Variants in SLC12A7 observed in about 807,000 individuals in gnomAD.
SLC12A7 encodes solute carrier family 12 member 7.
In SLC12A7, 100 loss-of-function variants were observed where a neutral mutation model predicts 120.6. The observed-to-expected ratio is 0.83, with a 90% CI of 0.71 to 0.98. SLC12A7 has a LOEUF of 0.98. SLC12A7 is among the 50% of genes least tolerant of loss of function. The probability of loss-of-function intolerance (pLI) is 0.00; values close to 1 mark genes in which losing one functional copy is unlikely to be tolerated. For synonymous variants in SLC12A7, 760 were observed against 678.0 expected, an observed-to-expected ratio of 1.12 and a Z score of -1.88; for missense variants, 1,373 against 1,548.1, an observed-to-expected ratio of 0.89 and a Z score of 1.90.
chr5:1,116,137 G>A (rs920358357), upstream of SLC12A7, among the ~76,000 whole-genome samples: 4 of 152,136 alleles, frequency 2.6e-5, no homozygotes, highest in Non-Finnish European at 5.9e-5. Flanking sequence ...GAAGGGAGCT[G>A]TGGTAGGCAG....
rs536744857 is a variant in SLC12A7, at chr5:1,100,605, G to A, written c.125-6357C>T. ...AACAGAGGAGGAAGACGGCGCCCTC[G>A]GGGAGACCGCGCCAAGTGCTGTTGA... On this transcript the variant is annotated intron_variant, in intron 1 of 23. Transcript: ENST00000264930. Among the ~76,000 whole-genome samples the A allele has an allele frequency of 1.4e-4, 22 of 152,352 alleles. No individual in the cohort carries two copies. In the South Asian group the frequency reaches 1.7e-3, roughly 11 times the overall value.
chr5:1,124,599 G>A, the SLC12A7 span, among the ~76,000 whole-genome samples: 1 of 152,128 alleles, frequency 6.6e-6, no homozygotes, highest in Non-Finnish European at 1.5e-5. Flanking sequence ...GGACTGGCGG[G>A]GCAGGCGGCA....
At chr5:1,093,510 G>A (rs377506326) in intron 3 of SLC12A7, 23 bp downstream of exon 3, 2 of 1,582,944 alleles carry the variant, frequency 1.3e-6, no homozygotes, top group African/African-American at 1.3e-5. Flanking sequence ...GGGACTGGGC[G>A]GGCACGGGCA....
At chr5:1,153,788 C>T in the SLC12A7 span, among the ~76,000 whole-genome samples, 1 of 152,162 alleles carries the variant, frequency 6.6e-6, no homozygotes, top group African/African-American at 2.4e-5. Flanking sequence ...GGAACGTGCA[C>T]CCTGGTGAGC....
upstream of SLC12A7, among the ~76,000 whole-genome samples, chr5:1,115,119 C>T (rs1743262215): frequency 6.6e-6 from 1 of 152,218 alleles, no homozygotes; most frequent in African/African-American, 2.4e-5. Context: ...CAGCTTTGCC[C>T]AGGGGGCCTC....
chr5:1,086,062 C>T (rs1044330565), intron 6 of SLC12A7, among the ~76,000 whole-genome samples: 5 of 152,278 alleles, frequency 3.3e-5, no homozygotes, highest in African/African-American at 1.2e-4. Flanking sequence ...TGGCACCCAC[C>T]CCCACCAAAG....
At chr5:1,069,522 G>C (rs1737418344) in intron 17 of SLC12A7, among the ~76,000 whole-genome samples, 1 of 152,212 alleles carries the variant, frequency 6.6e-6, no homozygotes, top group Non-Finnish European at 1.5e-5. Context: ...GCATGGGAGG[G>C]ACCTCGGACA....
At chr5:1,155,829 C>T in the SLC12A7 span, among the ~76,000 whole-genome samples, 2 of 151,250 alleles carry the variant, frequency 1.3e-5, no homozygotes, top group African/African-American at 4.8e-5. Flanking sequence ...GGGCCCCGCA[C>T]CCCCCGCCGC....
the SLC12A7 span, among the ~76,000 whole-genome samples, chr5:1,119,852 G>A: frequency 6.6e-6 from 1 of 152,240 alleles, no homozygotes; most frequent in Non-Finnish European, 1.5e-5. Flanking sequence ...TTTGGGCCCT[G>A]TAGCCTCAGG....
At chr5:1,099,488 AC>A (rs1209147392) in intron 1 of SLC12A7, among the ~76,000 whole-genome samples, 1 of 142,476 alleles carries the variant, frequency 7.0e-6, no homozygotes, top group Non-Finnish European at 1.5e-5. Flanking sequence ...GACCCAGTCC[AC>A]CTCCTCCGGG....
chr5:1,105,726 T>C (rs1742476575), intron 1 of SLC12A7, among the ~76,000 whole-genome samples: 1 of 152,220 alleles, frequency 6.6e-6, no homozygotes. Context: ...TGGGCAGCAC[T>C]TCCCCAGCAT....
At chr5:1,124,613 C>G in the SLC12A7 span, among the ~76,000 whole-genome samples, 1 of 152,116 alleles carries the variant, frequency 6.6e-6, no homozygotes, top group South Asian at 2.1e-4. Context: ...GGCGGCAGAG[C>G]CTTGCGGCGC....
At position 1,076,681 on chromosome 5, in the gene SLC12A7, T is replaced by C; in HGVS notation, c.1748+13A>G. ...TACACCCATCCCCAGGTCCCCGTCC[T>C]GTGGGGGCTCACATGGAGAGGATCG... On this transcript the variant is annotated intron_variant, in intron 13 of 23. Coordinates refer to ENST00000264930, the MANE Select transcript of SLC12A7 (RefSeq NM_006598.3). 1.3e-6 allele frequency: 2 copies of C among 1,597,260 alleles called. No individual in the cohort carries two copies. Among genetic ancestry groups the C allele is most frequent in the Non-Finnish European group, 1.7e-6 (2 of 1,168,476 alleles).
chr5:1,065,436 A>G lies in SLC12A7; in HGVS notation c.2284T>C (p.Cys762Arg), dbSNP rs201242168. 130 of 1,611,136 alleles carry G rather than the reference A, an allele frequency of 8.1e-5. No homozygotes were observed. Among genetic ancestry groups the G allele is most frequent in the Non-Finnish European group, 1.1e-4 (124 of 1,178,936 alleles). The change falls in exon 18 of 24, where the codon TGC becomes CGC. Residue 762 changes from cysteine to arginine, a missense_variant. By Grantham distance (180) the Cys-to-Arg change is radical (BLOSUM62 -3). Transcript: ENST00000264930. ...AGGCTGGACGAGACCACCAGCTGGC[A>G]GAAGCCCTTGGTCTTCTCTGTGCTC... is the stretch of plus-strand genomic sequence containing the variant. ...LMSTEKTKGF[C>R]QLVVSSSLRD...
chr5:1,088,467 C>T lies in SLC12A7; in HGVS notation c.490-107G>A, dbSNP rs1284857810. The T allele has an allele frequency of 4.9e-6, 6 of 1,220,996 alleles. No individual in the cohort carries two copies. The Admixed American group carries it at 1.2e-4, about 24-fold the overall frequency. 75.6% of individuals were successfully genotyped at this position (1,220,996 alleles called of 1,614,324 possible). A position where few individuals can be genotyped will look rare whatever the true frequency, so the allele number is the denominator to read the frequency against. On this transcript the variant is annotated intron_variant, in intron 4 of 23. Transcript: ENST00000264930. ...ACCCGGCTCCCGCCGAATGCCAGCCCCCAACTCCAGGGCTCTCCATCTCAA... is the reference window on the plus strand; with the variant it reads ...ACCCGGCTCCCGCCGAATGCCAGCCTCCAACTCCAGGGCTCTCCATCTCAA...
At chr5:1,147,217 G>A in the SLC12A7 span, among the ~76,000 whole-genome samples, 1 of 151,608 alleles carries the variant, frequency 6.6e-6, no homozygotes, top group Admixed American at 6.6e-5. Context: ...ACAGAAGGGA[G>A]GAGGGACTCT....
chr5:1,138,866 T>G, the SLC12A7 span, among the ~76,000 whole-genome samples: 1 of 152,226 alleles, frequency 6.6e-6, no homozygotes, highest in South Asian at 2.1e-4. Context: ...TCTGTTCAAC[T>G]GCAACACACA....
At chr5:1,111,393 T>A (rs551131633) in intron 1 of SLC12A7, among the ~76,000 whole-genome samples, 1 of 151,542 alleles carries the variant, frequency 6.6e-6, no homozygotes, top group Non-Finnish European at 1.5e-5. Flanking sequence ...GGTGGGCGGC[T>A]CCTCCAGGGT....
intron 9 of SLC12A7, among the ~76,000 whole-genome samples, chr5:1,080,183 AC>A (rs1467726059): frequency 6.9e-6 from 1 of 144,414 alleles, no homozygotes; most frequent in African/African-American, 2.6e-5. Context: ...GCTCAGAGAC[AC>A]CCGGAGCCAC....
Sources: gnomAD v4.1 joint callset for allele counts (sites outside exome capture counted in the v4.1 genomes callset) on GRCh38, gnomAD v4.1.1 for gene constraint, MANE v1.5 for transcripts, NCBI Gene and HGNC (gene_info 2026-07-23, HGNC 2026-07-21) for gene names.